Variants in MYB observed in about 807,000 individuals in gnomAD.
The protein encoded by MYB is transcriptional activator Myb.
A neutral mutation model predicts 92.9 loss-of-function variants in MYB; 28 were observed. The ratio of observed to expected loss-of-function variants is 0.30; its 90% CI spans 0.22 to 0.41. The LOEUF (loss-of-function observed/expected upper bound fraction) is 0.41, where lower values mean the gene tolerates loss of function less well. MYB is among the 10% of genes least tolerant of loss of function. MYB has a pLI of 1.00. For missense variants in MYB, 679 were observed against 929.3 expected (o/e 0.73, Z 3.50); for synonymous variants, 295 against 329.1 (o/e 0.90, Z 1.12).
chr6:135,203,040 C>G (rs1347330183), intron 14 of MYB, 177 bp from the exon 15 acceptor site: 33 of 698,376 alleles, frequency 4.7e-5, no homozygotes, highest in Middle Eastern at 4.6e-4. Context: ...GATTAAGGTT[C>G]AGACATAGTT....
chr6:135,193,916 C>A lies in MYB; in HGVS notation c.841C>A (p.Gln281Lys). 1 of 1,598,080 alleles carries A rather than the reference C, an allele frequency of 6.3e-7. No homozygotes were observed. Among genetic ancestry groups the A allele is most frequent in the Non-Finnish European group, 8.6e-7 (1 of 1,165,504 alleles). ...NVPQPAAAAI[Q>K]RHYNDEDPEK... ...CCCTCAGCCAGCTGCCGCAGCCATT[C>A]AGGTAAGATCATTGATCATTCACTG... is the stretch of plus-strand genomic sequence containing the variant. Residue 281 changes from glutamine (Q) to lysine (K), a missense_variant and splice_region_variant, in exon 7 of 16, where the codon CAG becomes AAG. Physicochemically the swap from Gln to Lys is moderately conservative, Grantham distance 53. This residue lies in a region of MYB where 43 missense variants were observed against 87.9 expected (regional missense o/e 0.49). Transcript: ENST00000341911.
chr6:135,189,945 T>A, intron 4 of MYB, 62 bp downstream of exon 4: 1 of 1,522,968 alleles, frequency 6.6e-7, no homozygotes, highest in South Asian at 1.2e-5. Flanking sequence ...ATGCTAATAT[T>A]TTCCTATTTG....
chr6:135,202,170 T>G (rs1778195660), intron 14 of MYB, among the ~76,000 whole-genome samples: 1 of 152,174 alleles, frequency 6.6e-6, no homozygotes, highest in Non-Finnish European at 1.5e-5. Context: ...TGTACCCAAT[T>G]GCTTTGGGTT....
chr6:135,189,644 A>AC, intron 3 of MYB, 147 bp from the exon 4 acceptor site: 1 of 620,072 alleles, frequency 1.6e-6, no homozygotes, highest in South Asian at 2.1e-5. Flanking sequence ...CCTGTAAGTA[A>AC]TGAGGGATAG....
intron 3 of MYB, among the ~76,000 whole-genome samples, chr6:135,188,843 T>C (rs1019423372): frequency 6.6e-6 from 1 of 152,138 alleles, no homozygotes. Flanking sequence ...CCAAACACCA[T>C]TGGCAGGTGG....
chr6:135,199,364 A>C lies in MYB; in HGVS notation c.1709+314A>C, dbSNP rs541011318. Among the ~76,000 whole-genome samples, 62 of 152,318 alleles carry C rather than the reference A, an allele frequency of 4.1e-4. 1 individual carries two copies. The South Asian group carries it at 0.013, about 32-fold the overall frequency. ...TCCATAAGGCCTTCTTATGAAAGCC[A>C]GATTTTCAACCTCCTTTCCTCTCTA... On this transcript the variant is annotated intron_variant, in intron 11 of 15. Coordinates refer to ENST00000341911, the MANE Select transcript of MYB (RefSeq NM_001130173.2).
chr6:135,194,031 T>C (rs1173306116), intron 7 of MYB, 113 bp downstream of exon 7: 1 of 836,046 alleles, frequency 1.2e-6, no homozygotes, highest in Non-Finnish European at 2.0e-6. Context: ...AAAGGGAACA[T>C]GGAGAGGAGA....
intron 13 of MYB, among the ~76,000 whole-genome samples, chr6:135,201,322 T>A (rs1024338259): frequency 2.6e-5 from 4 of 152,168 alleles, no homozygotes; most frequent in Non-Finnish European, 5.9e-5. Context: ...GTCACCAAAA[T>A]AAAATCCTTG....
chr6:135,203,522 GA>G, intron 15 of MYB, 198 bp downstream of exon 15: 1 of 666,652 alleles, frequency 1.5e-6, no homozygotes, highest in Non-Finnish European at 2.5e-6. Flanking sequence ...CTACTCATAT[GA>G]GACATGCTAG....
intron 15 of MYB, 134 bp from the exon 16 acceptor site, chr6:135,217,730 G>A (rs1166213783): frequency 1.4e-6 from 1 of 726,894 alleles, no homozygotes; most frequent in East Asian, 2.6e-5. Flanking sequence ...TGGGGGCCAG[G>A]GAGGTAAGAT....
rs182244166 is a variant in MYB, at chr6:135,187,257, C to T, written c.142-577C>T. On this transcript the variant is annotated intron_variant, in intron 2 of 15. Transcript: ENST00000341911. ...GGCCTATCTAAATCTAACTGATTTT[C>T]TTATATAGCTTTCAAATTTAATTTT... Among the ~76,000 whole-genome samples, 42 of 152,216 alleles carry T rather than the reference C, an allele frequency of 2.8e-4. No individual in the cohort carries two copies. The East Asian group carries it at 6.0e-3, about 22-fold the overall frequency.
intron 11 of MYB, 139 bp from the exon 12 acceptor site, chr6:135,199,946 T>C: frequency 3.0e-6 from 2 of 666,874 alleles, no homozygotes; most frequent in Non-Finnish European, 5.2e-6. Flanking sequence ...ACGAATAACG[T>C]GATTAATCAG....
At position 135,197,261 on chromosome 6, in the gene MYB, G is replaced by T; in HGVS notation, c.1504G>T (p.Asp502Tyr). 1 of 1,613,974 alleles carries T rather than the reference G, an allele frequency of 6.2e-7. No homozygotes were observed. The part of the protein sequence containing the change: ...TGDCSSFIFA[D>Y]VSSSTPKRSP... ...AGACTGTAGCTCCTTCATATTTGCT[G>T]ACGTCAGCAGTTCAACTCCCAAGCG... The change falls in exon 10 of 16, where the codon GAC becomes TAC. Residue 502 changes from aspartate to tyrosine, a missense_variant. Asp to Tyr is a radical substitution (Grantham distance 160, BLOSUM62 -3). Coordinates refer to ENST00000341911, the MANE Select transcript of MYB (RefSeq NM_001130173.2).
At chr6:135,183,118 C>T (rs1199605037) in intron 1 of MYB, among the ~76,000 whole-genome samples, 4 of 150,906 alleles carry the variant, frequency 2.7e-5, no homozygotes, top group Non-Finnish European at 5.9e-5. Context: ...AGGTCTCGGC[C>T]GCCCCCGCGG....
Position 135,217,922 on chromosome 6 carries a change from C to T in MYB, c.2228C>T (p.Ser743Phe). ...SCGKMEEQMTSSSQARKYVNA... is the reference protein window; with the variant it reads ...SCGKMEEQMTFSSQARKYVNA... ...GGAAAGATGGAGGAGCAGATGACAT[C>T]TTCCAGTCAAGCTCGTAAATACGTG... The change falls in exon 16 of 16, where the codon TCT becomes TTT. Residue 743 changes from serine (S) to phenylalanine (F), a missense_variant. By Grantham distance (155) the Ser-to-Phe change is radical. This residue lies in a region of MYB where 402 missense variants were observed against 434.2 expected (regional missense o/e 0.93). Transcript: ENST00000341911. 1 of 1,613,600 alleles carries T rather than the reference C, an allele frequency of 6.2e-7. No homozygotes were observed. Among genetic ancestry groups the T allele is most frequent in the Non-Finnish European group, 8.5e-7 (1 of 1,179,678 alleles).
intron 15 of MYB, among the ~76,000 whole-genome samples, chr6:135,216,257 C>A (rs117276347): frequency 1.8e-3 from 277 of 152,284 alleles, no homozygotes; most frequent in Non-Finnish European, 3.3e-3. Context: ...TCCAGGGATG[C>A]TCAAGTCCCT....
chr6:135,201,613 A>G (rs1350214272), intron 13 of MYB, 26 bp from the exon 14 acceptor site: 13 of 1,520,770 alleles, frequency 8.5e-6, no homozygotes, highest in Non-Finnish European at 1.1e-5. Context: ...TCTAGAAACA[A>G]CAAAGCACTT....
intron 11 of MYB, chr6:135,199,545 C>T (rs763977062): frequency 9.3e-7 from 1 of 1,077,486 alleles, no homozygotes; most frequent in South Asian, 2.6e-5. Context: ...CTTCTGACAT[C>T]CCCAGGAATA....
intron 15 of MYB, among the ~76,000 whole-genome samples, chr6:135,213,283 A>G (rs1233920767): frequency 6.6e-6 from 1 of 152,148 alleles, no homozygotes; most frequent in Non-Finnish European, 1.5e-5. Flanking sequence ...TGGATATTTC[A>G]TTTTTATTTG....
Sources: allele counts gnomAD v4.1 joint callset (sites outside exome capture counted in the v4.1 genomes callset), GRCh38; gene constraint gnomAD v4.1.1; regional missense constraint gnomAD v4.1.1; transcripts MANE v1.5; gene names NCBI Gene and HGNC (gene_info 2026-07-23, HGNC 2026-07-21).